Variants in ABCA4 observed in about 807,000 individuals in gnomAD.
ABCA4 encodes the protein retinal-specific phospholipid-transporting ATPase ABCA4.
In ABCA4, 196 loss-of-function variants were observed where a neutral mutation model predicts 263.7. The observed-to-expected ratio is 0.74, with a 90% CI of 0.66 to 0.84. The LOEUF is 0.84. Among genes scored for constraint, ABCA4 ranks in the 40% least tolerant of loss-of-function variants. The pLI is 0.00. For missense variants in ABCA4, 2,792 were observed against 2,855.1 expected (o/e 0.98, Z 0.50); for synonymous variants, 1,133 against 1,094.2 (o/e 1.04, Z -0.70).
chr1:94,051,757 C>A, intron 16 of ABCA4, 59 bp from the exon 17 acceptor site: 1 of 1,293,862 alleles, frequency 7.7e-7, no homozygotes, highest in South Asian at 1.2e-5. Context: ...CCTACCTTAC[C>A]GCAGTTCTAT....
At chr1:94,021,185 C>A in intron 35 of ABCA4, 55 bp downstream of exon 35, 1 of 1,610,952 alleles carries the variant, frequency 6.2e-7, no homozygotes, top group South Asian at 1.1e-5. Flanking sequence ...TCAGGATGTT[C>A]AAAGAGTGGA....
Position 94,002,352 on chromosome 1 carries a change from C to G in ABCA4, c.6148-360G>C, listed in dbSNP as rs149230878. ...GTTTGAGAAGATGGTGAGTCCCAGA[C>G]CTGTTGATCCCACCCGTCAAGAGGG... On this transcript the variant is annotated intron_variant, in intron 44 of 49. Transcript: ENST00000370225. Among the ~76,000 whole-genome samples the G allele has an allele frequency of 5.7e-3, 869 of 152,336 alleles. 3 individuals carry two copies. The highest frequency in any genetic ancestry group is 9.6e-3 in the Non-Finnish European group (655 of 68,026).
rs1553197114 is a variant in ABCA4 at position 94,116,970 on chromosome 1, C to CTTTCTTTA, written c.67-3905_67-3904insTAAAGAAA. 5.9e-4 allele frequency among the ~76,000 whole-genome samples: 39 copies of CTTTCTTTA among 66,664 alleles called. 1 individual carries two copies. The highest frequency in any genetic ancestry group is 2.0e-3 in the African/African-American group (34 of 17,404). The allele number at this position is 66,664 out of a possible 152,430, so 43.7% of individuals were successfully genotyped here. On this transcript the variant is annotated intron_variant, in intron 1 of 49. Transcript: ENST00000370225. ...CTCCCTCCCTCCTTTCTTTCTTTCT[C>CTTTCTTTA]TTTCTTTCTTTCTTTCTTTCTTTCT... is the stretch of plus-strand genomic sequence containing the variant.
At chr1:94,116,968 CTCTTTCTT>C (rs57665252) in intron 1 of ABCA4, among the ~76,000 whole-genome samples, 2,714 of 99,996 alleles carry the variant, frequency 0.027, 42 homozygotes, top group South Asian at 0.035. Flanking sequence ...TTCTTTCTTT[CTCTTTCTT>C]TCTTTCTTTC....
intron 6 of ABCA4, among the ~76,000 whole-genome samples, chr1:94,085,380 T>C (rs911615392): frequency 6.6e-6 from 1 of 152,226 alleles, no homozygotes; most frequent in African/African-American, 2.4e-5. Flanking sequence ...GTTTTAATAA[T>C]AAAAAAGGTT....
At chr1:94,051,212 T>C (rs1427697741) in intron 17 of ABCA4, among the ~76,000 whole-genome samples, 1 of 152,018 alleles carries the variant, frequency 6.6e-6, no homozygotes, top group Non-Finnish European at 1.5e-5. Flanking sequence ...TAAACTAATT[T>C]ATATTTTGAA....
intron 11 of ABCA4, among the ~76,000 whole-genome samples, chr1:94,073,519 A>G (rs1376186896): frequency 1.3e-5 from 2 of 152,200 alleles, no homozygotes; most frequent in African/African-American, 4.8e-5. Context: ...ATATTTATTA[A>G]GTGCTTACTA....
intron 1 of ABCA4, among the ~76,000 whole-genome samples, chr1:94,115,124 C>T (rs548935656): frequency 6.6e-6 from 1 of 152,296 alleles, no homozygotes; most frequent in African/African-American, 2.4e-5. Flanking sequence ...ATCATTCCAT[C>T]AGTGGGTAAG....
chr1:94,028,930 A>AAAAC (rs35998587), intron 30 of ABCA4, among the ~76,000 whole-genome samples: 4,150 of 107,866 alleles, frequency 0.038, 567 homozygotes, highest in Middle Eastern at 0.043. Flanking sequence ...AAAAAAAAAA[A>AAAAC]GAAATTCAAA....
Position 93,998,104 on chromosome 1 carries a change from T to A in ABCA4, c.6486A>T (p.Gly2162=). The part of the protein sequence containing the change: ...GTIQHLKSKF[G]DGYIVTMKIK... The stretch of plus-strand genomic sequence containing the variant: ...TCTTCATTGTGACGATATAGCCATC[T>A]CCAAATCTAGGGGATGCACACAGTG... The change falls in exon 48 of 50, where the codon GGA becomes GGT. Residue 2162 remains glycine (G), a synonymous_variant. Transcript: ENST00000370225. 6.2e-7 allele frequency: 1 copy of A among 1,614,194 alleles called. No individual in the cohort carries two copies. The highest frequency in any genetic ancestry group is 8.5e-7 in the Non-Finnish European group (1 of 1,180,030).
chr1:94,089,761 C>T (rs1024354246), intron 6 of ABCA4, among the ~76,000 whole-genome samples: 1 of 151,974 alleles, frequency 6.6e-6, no homozygotes, highest in African/African-American at 2.4e-5. Context: ...TGCACTTGGC[C>T]CAAAATTAAG....
At chr1:93,996,224 T>C (rs772357350) in intron 48 of ABCA4, 29 bp from the exon 49 acceptor site, 5 of 1,565,294 alleles carry the variant, frequency 3.2e-6, no homozygotes, top group Middle Eastern at 3.3e-4. Flanking sequence ...CGAGATTAGG[T>C]AGATATTTCC....
At chr1:94,090,053 T>C (rs1661930491) in intron 6 of ABCA4, among the ~76,000 whole-genome samples, 1 of 152,078 alleles carries the variant, frequency 6.6e-6, no homozygotes, top group Admixed American at 6.5e-5. Flanking sequence ...CACGTTGGAA[T>C]CATGCAGACA....
chr1:94,000,752 G>T, intron 47 of ABCA4, 84 bp downstream of exon 47: 1 of 1,409,252 alleles, frequency 7.1e-7, no homozygotes, highest in Non-Finnish European at 1.0e-6. Context: ...GGAGCAGCAG[G>T]ACTCTTCCAA....
chr1:94,111,997 GT>G (rs1247162142), intron 2 of ABCA4, among the ~76,000 whole-genome samples: 1 of 152,210 alleles, frequency 6.6e-6, no homozygotes. Flanking sequence ...AGGGCTGCAG[GT>G]TATGGGCTCC....
intron 46 of ABCA4, 22 bp from the exon 47 acceptor site, chr1:94,000,950 G>A: frequency 6.2e-7 from 1 of 1,614,190 alleles, no homozygotes; most frequent in South Asian, 1.1e-5. Context: ...GAGAGAGGAG[G>A]TGAGCAGGAG....
intron 11 of ABCA4, among the ~76,000 whole-genome samples, chr1:94,066,339 T>A (rs557135993): frequency 6.6e-6 from 1 of 152,380 alleles, no homozygotes; most frequent in East Asian, 1.9e-4. Context: ...GAGACCTCAA[T>A]GTTGTACAAA....
At position 94,060,772 on chromosome 1, in the gene ABCA4, G is replaced by C. The variant is rs368653303; in HGVS notation, c.1938-13C>G. 6.3e-7 allele frequency: 1 copy of C among 1,586,812 alleles called. No homozygotes were observed. The highest frequency in any genetic ancestry group is 2.3e-5 in the East Asian group (1 of 44,194). ...GATGATCATGAAACTAAAGCAAAAG[G>C]AGAGAAGCAGAATAGTAGAGTGCTC... On this transcript the variant is annotated splice_polypyrimidine_tract_variant and intron_variant, in intron 13 of 49. Transcript: ENST00000370225.
intron 47 of ABCA4, 53 bp from the exon 48 acceptor site, chr1:93,998,163 G>GT: frequency 6.2e-7 from 1 of 1,613,014 alleles, no homozygotes. Context: ...TGGGCCTAAG[G>GT]TAATCCCAAA....
Sources: allele counts gnomAD v4.1 joint callset (sites outside exome capture counted in the v4.1 genomes callset), GRCh38; gene constraint gnomAD v4.1.1; transcripts MANE v1.5; gene names NCBI Gene and HGNC (gene_info 2026-07-23, HGNC 2026-07-21).